UTRN: variants seen among roughly 807,000 people sequenced by gnomAD.
UTRN encodes utrophin.
In UTRN, 283 loss-of-function variants were observed where a neutral mutation model predicts 463.9. The ratio of observed to expected loss-of-function variants is 0.61; its 90% CI spans 0.55 to 0.67. The LOEUF (loss-of-function observed/expected upper bound fraction) is 0.67, where lower values mean the gene tolerates loss of function less well. UTRN is among the 30% of genes least tolerant of loss of function. The pLI, the probability that UTRN is intolerant of heterozygous loss-of-function variation, is 0.00. For missense variants in UTRN, 3,922 were observed against 4,084.3 expected, an observed-to-expected ratio of 0.96 and a Z score of 1.08; for synonymous variants, 1,442 against 1,431.5, an observed-to-expected ratio of 1.01 and a Z score of -0.17.
At position 144,851,926 on chromosome 6, in the gene UTRN, C is replaced by A. The variant is rs1367966463; in HGVS notation, c.*929C>A. The A allele has an allele frequency of 2.0e-5, 3 of 152,136 alleles. No individual in the cohort carries two copies. The highest frequency in any genetic ancestry group is 4.4e-5 in the Non-Finnish European group (3 of 68,004). The allele number at this position is 152,136 out of a possible 1,614,324, so 9.4% of individuals were successfully genotyped here. A position where few individuals can be genotyped will look rare whatever the true frequency, so the allele number is the denominator to read the frequency against. On this transcript the variant is annotated 3_prime_UTR_variant, in exon 75 of 75. Transcript: ENST00000367545. ...ATTTAGTACAACCTTTCCTAGTTCC[C>A]ATGTCTTGATTTTCATCATTACATG...
chr6:144,815,497 T>C (rs892858495), intron 65 of UTRN, among the ~76,000 whole-genome samples: 1 of 152,160 alleles, frequency 6.6e-6, no homozygotes, highest in African/African-American at 2.4e-5. Context: ...ACCTCAAAAG[T>C]AGAGAAGCCG....
intron 21 of UTRN, among the ~76,000 whole-genome samples, chr6:144,460,405 G>A (rs1584877109): frequency 6.6e-6 from 1 of 152,228 alleles, no homozygotes; most frequent in Non-Finnish European, 1.5e-5. Context: ...TGTAGATTGT[G>A]TGATGACTGG....
Position 144,577,041 on chromosome 6 carries a change from T to C in UTRN, c.7290-58T>C, listed in dbSNP as rs1252304845. 15 of 1,541,084 alleles carry C rather than the reference T, an allele frequency of 9.7e-6. No homozygotes were observed. In the Admixed American group the frequency reaches 1.6e-4, roughly 16 times the overall value. Reference sequence around the variant, plus strand: ...AGTTTTTTATTTAGGGGATGCGTGATGTGGAATGTCACAACACTGTAAGTA... The same window carrying C: ...AGTTTTTTATTTAGGGGATGCGTGACGTGGAATGTCACAACACTGTAAGTA... On this transcript the variant is annotated intron_variant, in intron 50 of 74. Transcript: ENST00000367545.
chr6:144,446,579 T>G (rs1310276591), intron 14 of UTRN, among the ~76,000 whole-genome samples: 1 of 152,260 alleles, frequency 6.6e-6, no homozygotes, highest in East Asian at 1.9e-4. Context: ...ATTATCTCTC[T>G]ACATGACTGA....
At chr6:144,621,466 C>T (rs935520138) in intron 51 of UTRN, among the ~76,000 whole-genome samples, 1 of 152,066 alleles carries the variant, frequency 6.6e-6, no homozygotes, top group Non-Finnish European at 1.5e-5. Context: ...AGTGAATTGT[C>T]TCTCATCCCT....
intron 2 of UTRN, among the ~76,000 whole-genome samples, chr6:144,334,870 A>G (rs1776605711): frequency 1.3e-5 from 2 of 152,224 alleles, no homozygotes; most frequent in East Asian, 1.9e-4. Context: ...TGAAACCTCA[A>G]TAACCTCATT....
chr6:144,577,125 A>G lies in UTRN; in HGVS notation c.7316A>G (p.Glu2439Gly). Reference protein sequence around the residue: ...QSIADRQNALEAEWRTVQASR... With the variant: ...QSIADRQNALGAEWRTVQASR... ...ATTGCTGACAGACAGAACGCCTTGG[A>G]GGCTGAGTGGAGGACGGTGCAGGCC... Residue 2439 changes from glutamate (E) to glycine (G), a missense_variant, in exon 51 of 75, where the codon GAG becomes GGG. Transcript: ENST00000367545. The G allele has an allele frequency of 1.2e-6, 2 of 1,613,770 alleles. No individual in the cohort carries two copies. The highest frequency in any genetic ancestry group is 1.7e-6 in the Non-Finnish European group (2 of 1,179,810).
At chr6:144,657,212 T>G (rs933381187) in intron 51 of UTRN, among the ~76,000 whole-genome samples, 1 of 139,410 alleles carries the variant, frequency 7.2e-6, no homozygotes, top group East Asian at 2.1e-4. Context: ...ATCGCGCCAT[T>G]GCACTCCAGC....
At chr6:144,773,585 C>A (rs1419384050) in intron 59 of UTRN, among the ~76,000 whole-genome samples, 1 of 152,168 alleles carries the variant, frequency 6.6e-6, no homozygotes, top group Admixed American at 6.5e-5. Flanking sequence ...TGAGAACCTT[C>A]AGAAGACTCA....
At chr6:144,822,205 A>G (rs1464946335) in intron 66 of UTRN, among the ~76,000 whole-genome samples, 2 of 152,056 alleles carry the variant, frequency 1.3e-5, no homozygotes, top group African/African-American at 2.4e-5. Flanking sequence ...ACCAAAATAG[A>G]TTTTTTTAAA....
At chr6:144,320,005 C>T (rs1375804431) in intron 2 of UTRN, among the ~76,000 whole-genome samples, 1 of 152,118 alleles carries the variant, frequency 6.6e-6, no homozygotes, top group Non-Finnish European at 1.5e-5. Flanking sequence ...AGGCACGTGC[C>T]ACCACGCCCG....
chr6:144,541,513 C>T (rs1448099997), intron 45 of UTRN, among the ~76,000 whole-genome samples: 4 of 152,118 alleles, frequency 2.6e-5, no homozygotes, highest in African/African-American at 9.7e-5. Flanking sequence ...TGTCTAAGAC[C>T]AACAATGCTC....
chr6:144,724,222 C>CTTT lies in UTRN; in HGVS notation c.7810-6113_7810-6111dup, dbSNP rs34507977. 3.0e-3 allele frequency among the ~76,000 whole-genome samples: 233 copies of CTTT among 78,168 alleles called. 6 individuals are homozygous for CTTT. The highest frequency in any genetic ancestry group is 3.8e-3 in the Admixed American group (20 of 5,216). The allele number at this position is 78,168 out of a possible 152,430, so 51.3% of individuals were successfully genotyped here. A position where few individuals can be genotyped will look rare whatever the true frequency, so the allele number is the denominator to read the frequency against. ...CCATTATTGCTATCTAGATTCATAA[C>CTTT]TTTTTTTTTTTTTTTTTTTTTTTTG... On this transcript the variant is annotated intron_variant, in intron 53 of 74. Coordinates refer to ENST00000367545, the MANE Select transcript of UTRN (RefSeq NM_007124.3).
intron 51 of UTRN, among the ~76,000 whole-genome samples, chr6:144,606,273 T>G (rs1330374556): frequency 6.6e-6 from 1 of 152,216 alleles, no homozygotes; most frequent in Non-Finnish European, 1.5e-5. Context: ...AGCTTATCCA[T>G]GCACAGATGT....
intron 2 of UTRN, among the ~76,000 whole-genome samples, chr6:144,300,273 A>C (rs2473144): frequency 0.15 from 22,764 of 151,942 alleles, 2,279 homozygotes; most frequent in African/African-American, 0.28. Flanking sequence ...TATTTTTGGT[A>C]GAGATGGGGT....
At position 144,745,590 on chromosome 6, in the gene UTRN, T is replaced by C. The variant is rs567091240; in HGVS notation, c.7940-2656T>C. On this transcript the variant is annotated intron_variant, in intron 54 of 74. Transcript: ENST00000367545. ...TGAGTAGCTTCTTGAGTGGGGATTATGTAATAAATACTGCACAAGGACTGC... is the reference window on the plus strand; with the variant it reads ...TGAGTAGCTTCTTGAGTGGGGATTACGTAATAAATACTGCACAAGGACTGC... Among the ~76,000 whole-genome samples, 510 of 152,340 alleles carry C rather than the reference T, an allele frequency of 3.3e-3. 1 individual carries two copies. The highest frequency in any genetic ancestry group is 0.014 in the Middle Eastern group (4 of 294).
chr6:144,732,214 TTATATATATA>T lies in UTRN; in HGVS notation c.7939+1743_7939+1752del, dbSNP rs1174420940. Among the ~76,000 whole-genome samples the T allele has an allele frequency of 1.1e-4, 10 of 92,312 alleles. 1 individual carries two copies. In the East Asian group the frequency reaches 4.5e-3, roughly 41 times the overall value. The allele number at this position is 92,312 out of a possible 152,430, so 60.6% of individuals were successfully genotyped here. A position where few individuals can be genotyped will look rare whatever the true frequency, so the allele number is the denominator to read the frequency against. On this transcript the variant is annotated intron_variant, in intron 54 of 74. Coordinates refer to ENST00000367545, the MANE Select transcript of UTRN (RefSeq NM_007124.3). ...AATTATTCCTTTTGAGTACTCTGTT[TTATATATATA>T]TATATATATATATACATATATATAT...
chr6:144,786,861 C>A (rs1776340076), intron 61 of UTRN, among the ~76,000 whole-genome samples: 1 of 152,052 alleles, frequency 6.6e-6, no homozygotes, highest in Admixed American at 6.6e-5. Flanking sequence ...CCTATCTTAC[C>A]TTCCTCAGCT....
chr6:144,748,227 T>C lies in UTRN; in HGVS notation c.7940-19T>C. 1 of 1,584,912 alleles carries C rather than the reference T, an allele frequency of 6.3e-7. No individual in the cohort carries two copies. The highest frequency in any genetic ancestry group is 8.5e-7 in the Non-Finnish European group (1 of 1,171,402). On this transcript the variant is annotated intron_variant, in intron 54 of 74. Transcript: ENST00000367545. ...TAATCAGACATCCAAATTATTCTTT[T>C]TCTTTTTTTTAATCACAGAATTAAC...
Sources: allele counts gnomAD v4.1 joint callset (sites outside exome capture counted in the v4.1 genomes callset), GRCh38; gene constraint gnomAD v4.1.1; transcripts MANE v1.5; gene names NCBI Gene and HGNC (gene_info 2026-07-23, HGNC 2026-07-21).